Variants in TCERG1 observed in about 807,000 individuals in gnomAD.
TCERG1 encodes the protein TATA box binding protein (TBP)-associated factor, RNA polymerase II, S, 150kD.
A neutral mutation model predicts 144.7 loss-of-function variants in TCERG1; 37 were observed. The ratio of observed to expected loss-of-function variants is 0.26; its 90% CI spans 0.20 to 0.34. The LOEUF is 0.34. TCERG1 is among the 10% of genes least tolerant of loss of function. The pLI, the probability that TCERG1 is intolerant of heterozygous loss-of-function variation, is 1.00. For missense variants in TCERG1, 1,027 were observed against 1,380.7 expected (o/e 0.74, Z 4.06); for synonymous variants, 492 against 458.2 (o/e 1.07, Z -0.94).
At position 146,481,173 on chromosome 5, in the gene TCERG1, T is replaced by C. The variant is rs902814845; in HGVS notation, c.1910T>C (p.Met637Thr). The change falls in exon 13 of 23, where the codon ATG becomes ACG. Residue 637 changes from methionine (M) to threonine (T), a missense_variant. Transcript: ENST00000679501. ...AGGAGAATGTCAAAGAAGTCCTTTA[T>C]GTGGATTGCCCGAGCTTCTCTATTT... ...KRKRMSKKSFMWIARASLFRR... is the reference protein window; with the variant it reads ...KRKRMSKKSFTWIARASLFRR... The C allele has an allele frequency of 2.0e-6, 2 of 985,270 alleles. No homozygotes were observed. The highest frequency in any genetic ancestry group is 3.5e-5 in the African/African-American group (2 of 57,252). The allele number at this position is 985,270 out of a possible 1,614,324, so 61.0% of individuals were successfully genotyped here.
intron 1 of TCERG1, among the ~76,000 whole-genome samples, chr5:146,449,657 G>A (rs1203690239): frequency 2.0e-5 from 3 of 152,134 alleles, no homozygotes; most frequent in Non-Finnish European, 4.4e-5. Context: ...CCTTATGTTT[G>A]TATTTCCATG....
In TCERG1 at chr5:146,498,644, T is replaced by C; in HGVS notation, c.2391T>C (p.Ala797=). 1 of 1,610,860 alleles carries C rather than the reference T, an allele frequency of 6.2e-7. No individual in the cohort carries two copies. The highest frequency in any genetic ancestry group is 8.5e-7 in the Non-Finnish European group (1 of 1,178,552). ...EALFNEFVAA[A]RKKEKEDSKT... is the part of the protein sequence containing the mutation. Reference sequence around the variant, plus strand: ...TGTTTAATGAGTTTGTGGCCGCTGCTAGGAAGAAAGAGAAAGAAGATTCGA... The same window carrying C: ...TGTTTAATGAGTTTGTGGCCGCTGCCAGGAAGAAAGAGAAAGAAGATTCGA... Residue 797 remains alanine (A), a synonymous_variant, in exon 17 of 23, where the codon GCT becomes GCC. Transcript: ENST00000679501.
intron 15 of TCERG1, among the ~76,000 whole-genome samples, chr5:146,485,198 G>A (rs1299960624): frequency 6.6e-6 from 1 of 152,032 alleles, no homozygotes; most frequent in Non-Finnish European, 1.5e-5. Context: ...TATTCCTTCT[G>A]CCTGGACTGT....
At chr5:146,497,600 A>G (rs182997338) in intron 16 of TCERG1, among the ~76,000 whole-genome samples, 1 of 152,330 alleles carries the variant, frequency 6.6e-6, no homozygotes, top group East Asian at 1.9e-4. Context: ...TGGCTAATAT[A>G]TAGAGACTCT....
intron 16 of TCERG1, among the ~76,000 whole-genome samples, chr5:146,498,192 A>G (rs753007849): frequency 1.8e-4 from 28 of 152,056 alleles, no homozygotes; most frequent in Admixed American, 1.1e-3. Context: ...GAATTTTTCT[A>G]TTATGGCTGG....
intron 15 of TCERG1, among the ~76,000 whole-genome samples, chr5:146,487,401 A>G (rs1765943373): frequency 6.6e-6 from 1 of 152,178 alleles, no homozygotes; most frequent in African/African-American, 2.4e-5. Flanking sequence ...CTACAGATTC[A>G]GTGCAATCTG....
rs147209224 is a variant in TCERG1 at position 146,471,203 on chromosome 5, C to T, written c.1513-285C>T. Among the ~76,000 whole-genome samples the T allele has an allele frequency of 1.6e-4, 25 of 152,290 alleles. 1 individual carries two copies. The East Asian group carries it at 4.8e-3, about 29-fold the overall frequency. On this transcript the variant is annotated intron_variant, in intron 8 of 22. Transcript: ENST00000679501. ...GAAAGCTAGCAGAAATAAGAAACAA[C>T]CTTAAATGAAGAGGTATGTACTGTA...
intron 5 of TCERG1, among the ~76,000 whole-genome samples, chr5:146,466,150 A>C (rs1402031746): frequency 6.6e-6 from 1 of 152,180 alleles, no homozygotes. Context: ...TTAGTAAAAA[A>C]CAAGGACAAA....
chr5:146,489,634 G>A (rs545998203), intron 15 of TCERG1, among the ~76,000 whole-genome samples: 24 of 152,202 alleles, frequency 1.6e-4, no homozygotes, highest in Admixed American at 2.6e-4. Flanking sequence ...TTCACAAAAT[G>A]AATATATCAT....
chr5:146,490,409 T>C (rs140324876), intron 15 of TCERG1, among the ~76,000 whole-genome samples: 1 of 152,348 alleles, frequency 6.6e-6, no homozygotes, highest in East Asian at 1.9e-4. Flanking sequence ...CTTGAGAGAA[T>C]GTGCAGGGAA....
chr5:146,461,084 A>G (rs930561732), intron 4 of TCERG1, among the ~76,000 whole-genome samples: 16 of 152,298 alleles, frequency 1.1e-4, no homozygotes, highest in Admixed American at 1.0e-3. Flanking sequence ...GATGAGCTAG[A>G]TAATTTAACC....
intron 9 of TCERG1, among the ~76,000 whole-genome samples, chr5:146,475,070 C>G (rs1165843742): frequency 2.0e-5 from 3 of 152,092 alleles, no homozygotes; most frequent in Non-Finnish European, 4.4e-5. Context: ...CTTATTTAAT[C>G]TATATACAAT....
chr5:146,482,142 T>G (rs1765415908), intron 13 of TCERG1: 1 of 152,262 alleles, frequency 6.6e-6, no homozygotes, highest in African/African-American at 2.4e-5. Flanking sequence ...CCAATTTTTA[T>G]TAGATTTTAC....
At chr5:146,488,701 GATCCAGCA>G (rs1766103449) in intron 15 of TCERG1, among the ~76,000 whole-genome samples, 1 of 152,120 alleles carries the variant, frequency 6.6e-6, no homozygotes, top group African/African-American at 2.4e-5. Context: ...ACAACGATAT[GATCCAGCA>G]ATCCCCCTAT....
At chr5:146,486,611 C>G (rs1460457688) in intron 15 of TCERG1, among the ~76,000 whole-genome samples, 1 of 152,178 alleles carries the variant, frequency 6.6e-6, no homozygotes, top group Non-Finnish European at 1.5e-5. Flanking sequence ...TACCCACTTT[C>G]ACCACTCTTA....
intron 17 of TCERG1, 98 bp from the exon 18 acceptor site, chr5:146,503,277 A>G: frequency 1.8e-6 from 2 of 1,088,124 alleles, no homozygotes; most frequent in Non-Finnish European, 2.6e-6. Flanking sequence ...TATTTAAGGT[A>G]GGTGAACTTT....
chr5:146,492,460 G>A (rs1367048989), intron 15 of TCERG1, among the ~76,000 whole-genome samples: 1 of 152,056 alleles, frequency 6.6e-6, no homozygotes, highest in African/African-American at 2.4e-5. Flanking sequence ...TATCTTGACT[G>A]TATTATTAAG....
At chr5:146,456,186 C>T (rs1359893525) in intron 2 of TCERG1, among the ~76,000 whole-genome samples, 1 of 152,168 alleles carries the variant, frequency 6.6e-6, no homozygotes, top group African/African-American at 2.4e-5. Flanking sequence ...ATTTTATGGC[C>T]TTCCTAATAA....
At chr5:146,461,675 T>C (rs1215787096) in intron 4 of TCERG1, among the ~76,000 whole-genome samples, 5 of 152,200 alleles carry the variant, frequency 3.3e-5, no homozygotes, top group Non-Finnish European at 5.9e-5. Flanking sequence ...TTCCTGACTA[T>C]AGTACTTTGG....
Sources: allele counts gnomAD v4.1 joint callset (sites outside exome capture counted in the v4.1 genomes callset), GRCh38; gene constraint gnomAD v4.1.1; transcripts MANE v1.5; gene names NCBI Gene and HGNC (gene_info 2026-07-23, HGNC 2026-07-21).